E2F7: variants seen among roughly 807,000 people sequenced by gnomAD.
E2F7 encodes transcription factor E2F7.
E2F7 carries 35 observed loss-of-function variants against 81.1 expected under a neutral mutation model. The ratio of observed to expected loss-of-function variants is 0.43; its 90% confidence interval spans 0.33 to 0.57. The LOEUF is 0.57. Ranked by LOEUF, E2F7 falls within the 20% of genes least tolerant of loss-of-function variation. The probability of loss-of-function intolerance (pLI) is 0.04; values close to 1 mark genes in which losing one functional copy is unlikely to be tolerated. For synonymous variants in E2F7, 416 were observed against 416.2 expected (o/e 1.00, Z 0.01); for missense variants, 961 against 1,093.7 (o/e 0.88, Z 1.71).
intron 7 of E2F7, among the ~76,000 whole-genome samples, chr12:77,041,014 C>G (rs1954889714): frequency 6.6e-6 from 1 of 152,142 alleles, no homozygotes; most frequent in African/African-American, 2.4e-5. Context: ...AGTAATGAAA[C>G]TAGGGAATAC....
At chr12:77,055,150 A>G (rs1009365964) in intron 3 of E2F7, among the ~76,000 whole-genome samples, 6 of 152,242 alleles carry the variant, frequency 3.9e-5, no homozygotes, top group Non-Finnish European at 8.8e-5. Flanking sequence ...TGCAAGATAT[A>G]TAACAGATTA....
At chr12:77,040,138 A>G (rs751607369) in intron 7 of E2F7, among the ~76,000 whole-genome samples, 9 of 152,204 alleles carry the variant, frequency 5.9e-5, no homozygotes, top group African/African-American at 2.2e-4. Context: ...AAGCTGATCA[A>G]TATATGACCT....
chr12:77,041,141 C>A (rs1367442056), intron 7 of E2F7, among the ~76,000 whole-genome samples: 1 of 152,222 alleles, frequency 6.6e-6, no homozygotes, highest in Non-Finnish European at 1.5e-5. Context: ...TCCCTCCGTG[C>A]AAATACACGA....
chr12:77,044,231 T>C (rs1309090710), intron 6 of E2F7: 1 of 455,482 alleles, frequency 2.2e-6, no homozygotes, highest in Non-Finnish European at 4.4e-6. Context: ...CCCTGGCCAT[T>C]CTTCTGGTTC....
chr12:77,049,898 T>A (rs1417259210), intron 4 of E2F7, among the ~76,000 whole-genome samples: 1 of 152,206 alleles, frequency 6.6e-6, no homozygotes, highest in Non-Finnish European at 1.5e-5. Context: ...TCATTGTGAT[T>A]TCTGCTTATT....
intron 7 of E2F7, among the ~76,000 whole-genome samples, chr12:77,040,223 A>G (rs1954884121): frequency 6.6e-6 from 1 of 152,194 alleles, no homozygotes; most frequent in Non-Finnish European, 1.5e-5. Context: ...AACTTGGCCA[A>G]CAGTACTGTA....
chr12:77,034,989 T>C (rs1798828680), intron 7 of E2F7, among the ~76,000 whole-genome samples: 1 of 152,244 alleles, frequency 6.6e-6, no homozygotes, highest in Non-Finnish European at 1.5e-5. Flanking sequence ...ATAGGGGCCA[T>C]ATCTGCCTCC....
rs781311175 is a variant in E2F7 at position 77,028,081 on chromosome 12, T to G, written c.1942A>C (p.Ile648Leu). 5.0e-6 allele frequency: 8 copies of G among 1,614,082 alleles called. No homozygotes were observed. Among genetic ancestry groups the G allele is most frequent in the South Asian group, 3.3e-5 (3 of 91,084 alleles). The change falls in exon 11 of 13, where the codon ATA (isoleucine) becomes CTA (leucine). Residue 648 changes from isoleucine to leucine, a missense_variant. Ile to Leu is a conservative substitution (Grantham distance 5). This residue lies in a region of E2F7 where 587 missense variants were observed against 620.3 expected (regional missense o/e 0.95). Transcript: ENST00000322886. The stretch of plus-strand genomic sequence containing the variant: ...TTCACATGAATGTCTTTGAGGGGTA[T>G]AGATGCCCTGTTACCCATAGTCTTG... ...SPKTMGNRASIPLKDIHVNGQ... is the reference protein window; with the variant it reads ...SPKTMGNRASLPLKDIHVNGQ...
At chr12:77,041,680 C>G (rs577730097) in intron 7 of E2F7, among the ~76,000 whole-genome samples, 10 of 152,294 alleles carry the variant, frequency 6.6e-5, no homozygotes, top group East Asian at 5.8e-4. Context: ...ATCCCATGTT[C>G]TCTTCATGCC....
chr12:77,031,728 C>A (rs1257729327), intron 9 of E2F7, among the ~76,000 whole-genome samples: 5 of 152,164 alleles, frequency 3.3e-5, no homozygotes, highest in Non-Finnish European at 5.9e-5. Context: ...ACCAGGATTT[C>A]TTTCCGTCTT....
At chr12:77,046,556 A>G (rs1008487958) in intron 4 of E2F7, among the ~76,000 whole-genome samples, 11 of 152,264 alleles carry the variant, frequency 7.2e-5, no homozygotes, top group Admixed American at 1.3e-4. Flanking sequence ...TAAAACATCT[A>G]TCTAGAGATG....
chr12:77,047,406 AC>A (rs775153306), intron 4 of E2F7, among the ~76,000 whole-genome samples: 1 of 152,188 alleles, frequency 6.6e-6, no homozygotes, highest in Non-Finnish European at 1.5e-5. Context: ...CATTCGTTAT[AC>A]CTAAAATCCC....
At chr12:77,040,130 G>A (rs1954883249) in intron 7 of E2F7, among the ~76,000 whole-genome samples, 1 of 152,140 alleles carries the variant, frequency 6.6e-6, no homozygotes, top group African/African-American at 2.4e-5. Flanking sequence ...ATTTTCATAA[G>A]CTGATCAATA....
At chr12:77,042,636 T>C (rs1456827894) in intron 7 of E2F7, among the ~76,000 whole-genome samples, 1 of 152,226 alleles carries the variant, frequency 6.6e-6, no homozygotes. Context: ...ATGTAATTTG[T>C]TTTGTGATGG....
chr12:77,037,599 GA>G (rs1284213704), intron 7 of E2F7, among the ~76,000 whole-genome samples: 12 of 152,080 alleles, frequency 7.9e-5, no homozygotes, highest in African/African-American at 9.7e-5. Flanking sequence ...AGTAGACTGG[GA>G]CAAATTAAAA....
At chr12:77,054,662 G>A (rs1049695486) in intron 3 of E2F7, among the ~76,000 whole-genome samples, 23 of 152,200 alleles carry the variant, frequency 1.5e-4, no homozygotes, top group African/African-American at 5.3e-4. Flanking sequence ...TTTTAGGGGC[G>A]TGTTAAACAA....
intron 11 of E2F7, among the ~76,000 whole-genome samples, chr12:77,027,381 C>A (rs1249198771): frequency 6.6e-6 from 1 of 152,110 alleles, no homozygotes; most frequent in Non-Finnish European, 1.5e-5. Flanking sequence ...TTTCACAGCA[C>A]CCATATGAAG....
At chr12:77,053,103 C>T (rs1370919715) in intron 3 of E2F7, among the ~76,000 whole-genome samples, 1 of 152,118 alleles carries the variant, frequency 6.6e-6, no homozygotes, top group African/African-American at 2.4e-5. Flanking sequence ...TTGGCATTAT[C>T]TTGTGAACAT....
At chr12:77,041,605 C>T (rs1954895672) in intron 7 of E2F7, among the ~76,000 whole-genome samples, 1 of 152,132 alleles carries the variant, frequency 6.6e-6, no homozygotes, top group Non-Finnish European at 1.5e-5. Context: ...AAATTTCTTG[C>T]CTCAATTTTT....
Sources: allele counts gnomAD v4.1 joint callset (sites outside exome capture counted in the v4.1 genomes callset), GRCh38; gene constraint gnomAD v4.1.1; regional missense constraint gnomAD v4.1.1; transcripts MANE v1.5; gene names NCBI Gene and HGNC (gene_info 2026-07-23, HGNC 2026-07-21).